GABRA2: variants seen among roughly 807,000 people sequenced by gnomAD.
GABRA2 encodes the protein gamma-aminobutyric acid type A receptor subunit alpha2.
A neutral mutation model predicts 48.7 loss-of-function variants in GABRA2; 16 were observed. That is an observed-to-expected ratio of 0.33 (90% CI 0.22 to 0.50). The LOEUF (loss-of-function observed/expected upper bound fraction) is 0.50. GABRA2 is among the 20% of genes least tolerant of loss of function. The probability of loss-of-function intolerance (pLI) is 0.98; values close to 1 mark genes in which losing one functional copy is unlikely to be tolerated. For synonymous variants in GABRA2, 185 were observed against 184.5 expected (o/e 1.00, Z -0.02); for missense variants, 275 against 535.6 (o/e 0.51, Z 4.80).
intron 3 of GABRA2, chr4:46,367,126 G>A (rs1420372295): frequency 6.6e-6 from 1 of 152,052 alleles, no homozygotes; most frequent in African/African-American, 2.4e-5. Flanking sequence ...CTGAATTTAA[G>A]GTTCAGCAGA....
At chr4:46,299,426 C>T (rs1017231906) in intron 8 of GABRA2, among the ~76,000 whole-genome samples, 1 of 151,754 alleles carries the variant, frequency 6.6e-6, no homozygotes, top group Non-Finnish European at 1.5e-5. Flanking sequence ...ATTAATCTTA[C>T]ACAACTTGGT....
chr4:46,275,480 C>T (rs932882022), intron 8 of GABRA2, among the ~76,000 whole-genome samples: 2 of 152,152 alleles, frequency 1.3e-5, no homozygotes, highest in African/African-American at 2.4e-5. Flanking sequence ...CCAGGGGTAT[C>T]GCTCCAGGAT....
chr4:46,265,683 A>G (rs1311106914), intron 8 of GABRA2, among the ~76,000 whole-genome samples: 1 of 151,120 alleles, frequency 6.6e-6, no homozygotes, highest in Non-Finnish European at 1.5e-5. Flanking sequence ...TCTCTCTACA[A>G]TTTATCTCTA....
chr4:46,301,547 G>A (rs1219055016), intron 8 of GABRA2, among the ~76,000 whole-genome samples: 1 of 152,050 alleles, frequency 6.6e-6, no homozygotes, highest in African/African-American at 2.4e-5. Context: ...CAATGAACAT[G>A]CCATTGTCTT....
intron 3 of GABRA2, among the ~76,000 whole-genome samples, chr4:46,383,346 G>A (rs1482455990): frequency 2.6e-5 from 4 of 152,108 alleles, no homozygotes; most frequent in Non-Finnish European, 1.5e-5. Context: ...CTAAAGCAAA[G>A]TTCTCTTCAT....
intron 8 of GABRA2, among the ~76,000 whole-genome samples, chr4:46,262,618 G>A (rs1717201790): frequency 6.6e-6 from 1 of 152,100 alleles, no homozygotes; most frequent in African/African-American, 2.4e-5. Flanking sequence ...TACTTCAAGA[G>A]GCTGGGCATG....
chr4:46,278,998 A>G (rs908803687), intron 8 of GABRA2, among the ~76,000 whole-genome samples: 2 of 151,648 alleles, frequency 1.3e-5, no homozygotes, highest in Non-Finnish European at 2.9e-5. Context: ...TTGGTTTTAT[A>G]TTATATACTA....
At chr4:46,280,952 C>T (rs947040646) in intron 8 of GABRA2, among the ~76,000 whole-genome samples, 1 of 152,188 alleles carries the variant, frequency 6.6e-6, no homozygotes, top group Non-Finnish European at 1.5e-5. Context: ...AGACAGCCCT[C>T]ACCAGAAACT....
chr4:46,387,357 C>A (rs906874286), intron 2 of GABRA2, among the ~76,000 whole-genome samples: 1 of 152,036 alleles, frequency 6.6e-6, no homozygotes, highest in Non-Finnish European at 1.5e-5. Context: ...TTAAAAGTGT[C>A]CATTTGCATT....
intron 8 of GABRA2, among the ~76,000 whole-genome samples, chr4:46,262,956 AAGAGAGAGAG>A (rs889064929): frequency 1.9e-3 from 60 of 30,990 alleles, no homozygotes; most frequent in African/African-American, 7.2e-3. Context: ...GAAAGAAAGA[AAGAGAGAGAG>A]AGAGAGAGAG....
chr4:46,335,964 C>T (rs1283831098), intron 3 of GABRA2, among the ~76,000 whole-genome samples: 2 of 152,148 alleles, frequency 1.3e-5, no homozygotes, highest in Non-Finnish European at 2.9e-5. Flanking sequence ...CTCTCTGACA[C>T]TTTCTTTTTA....
At chr4:46,373,192 A>T (rs1457108154) in intron 3 of GABRA2, among the ~76,000 whole-genome samples, 1 of 152,240 alleles carries the variant, frequency 6.6e-6, no homozygotes, top group Non-Finnish European at 1.5e-5. Flanking sequence ...ATCTGAATGT[A>T]AACATCTTCA....
chr4:46,299,182 G>C (rs1402021940), intron 8 of GABRA2, among the ~76,000 whole-genome samples: 1 of 151,554 alleles, frequency 6.6e-6, no homozygotes, highest in Non-Finnish European at 1.5e-5. Flanking sequence ...GTAATAACAA[G>C]CAAATGTTTA....
At chr4:46,322,514 T>C (rs1729628572) in intron 4 of GABRA2, among the ~76,000 whole-genome samples, 1 of 151,904 alleles carries the variant, frequency 6.6e-6, no homozygotes, top group Non-Finnish European at 1.5e-5. Context: ...TAAGTATGTG[T>C]CAGGCCTCTG....
At chr4:46,269,346 T>C (rs1718852830) in intron 8 of GABRA2, among the ~76,000 whole-genome samples, 1 of 151,716 alleles carries the variant, frequency 6.6e-6, no homozygotes, top group African/African-American at 2.4e-5. Context: ...AAAAAGAAAG[T>C]ATAGAGATAA....
chr4:46,289,201 G>A (rs1387725359), intron 8 of GABRA2, among the ~76,000 whole-genome samples: 1 of 152,150 alleles, frequency 6.6e-6, no homozygotes, highest in Non-Finnish European at 1.5e-5. Context: ...GCTCATTACT[G>A]GGTATATACC....
At chr4:46,276,964 A>T (rs1392920647) in intron 8 of GABRA2, among the ~76,000 whole-genome samples, 1 of 152,158 alleles carries the variant, frequency 6.6e-6, no homozygotes, top group Non-Finnish European at 1.5e-5. Context: ...CATGACTTAA[A>T]TGGTCATAAC....
intron 3 of GABRA2, among the ~76,000 whole-genome samples, chr4:46,360,288 C>T (rs1400038118): frequency 6.6e-6 from 1 of 152,142 alleles, no homozygotes; most frequent in African/African-American, 2.4e-5. Context: ...ATTGTAACTC[C>T]CATAATTCCC....
chr4:46,311,038 C>T (rs1185445930), intron 5 of GABRA2, among the ~76,000 whole-genome samples: 4 of 152,088 alleles, frequency 2.6e-5, no homozygotes, highest in Non-Finnish European at 5.9e-5. Flanking sequence ...GGCTTAAATT[C>T]TAAGAAAATG....
Sources: gnomAD v4.1 joint callset for allele counts (sites outside exome capture counted in the v4.1 genomes callset) on GRCh38, gnomAD v4.1.1 for gene constraint, MANE v1.5 for transcripts, NCBI Gene and HGNC (gene_info 2026-07-23, HGNC 2026-07-21) for gene names.